The following ZNF705A variants were observed in gnomAD, a reference collection of about 807,000 sequenced individuals.
ZNF705A encodes the protein zinc finger protein 705A.
A neutral mutation model predicts 16.6 loss-of-function variants in ZNF705A; 8 were observed. The observed-to-expected ratio is 0.48, with a 90% CI of 0.28 to 0.87. ZNF705A has a LOEUF of 0.87. ZNF705A is among the 40% of genes least tolerant of loss of function. The probability of loss-of-function intolerance (pLI) is 0.10; values close to 1 mark genes in which losing one functional copy is unlikely to be tolerated. For synonymous variants in ZNF705A, 73 were observed against 117.3 expected, an observed-to-expected ratio of 0.62 and a Z score of 2.44; for missense variants, 233 against 359.9, an observed-to-expected ratio of 0.65 and a Z score of 2.85.
At chr12:8,163,207 G>A (rs1176115434) in intron 1 of ZNF705A, among the ~76,000 whole-genome samples, 2 of 152,134 alleles carry the variant, frequency 1.3e-5, no homozygotes, top group Admixed American at 6.5e-5. Flanking sequence ...TATAAAGATC[G>A]AGATCTGTTG....
At position 8,164,067 on chromosome 12, in the gene ZNF705A, ATTATTT is replaced by A. The variant is rs747400141; in HGVS notation, c.-72+6983_-72+6988del. 1.2e-3 allele frequency among the ~76,000 whole-genome samples: 179 copies of A among 152,202 alleles called. 1 individual carries two copies. The highest frequency in any genetic ancestry group is 4.1e-3 in the African/African-American group (169 of 41,534). On this transcript the variant is annotated intron_variant, in intron 1 of 5. Coordinates refer to the ZNF705A transcript ENST00000396570. ...ACCTCCCTGAGTCCCCCCCTTTATT[ATTATTT>A]TTATTTTGGAAAGAAATATTGGTAA...
intron 4 of ZNF705A, among the ~76,000 whole-genome samples, chr12:8,176,465 TAGTC>T (rs1419065306): frequency 6.6e-6 from 1 of 152,128 alleles, no homozygotes; most frequent in Non-Finnish European, 1.5e-5. Context: ...GTAGAAAAAA[TAGTC>T]ATTCATGCAT....
In ZNF705A at chr12:8,172,772, G is replaced by A; in HGVS notation, c.12+135G>A. On this transcript the variant is annotated intron_variant, in intron 1 of 4. Coordinates refer to ENST00000359286, the Ensembl canonical transcript of ZNF705A. ...GTTTTTATGATGTAAAATCCACCTA[G>A]CCTGGGTATTCCAAATGCAATCAGG... 3 of 1,424,970 alleles carry A rather than the reference G, an allele frequency of 2.1e-6. No individual in the cohort carries two copies. In the South Asian group the frequency reaches 3.9e-5, roughly 19 times the overall value. 88.3% of individuals were successfully genotyped at this position (1,424,970 alleles called of 1,614,324 possible).
At position 8,159,706 on chromosome 12, in the gene ZNF705A, C is replaced by T. The variant is rs763026386; in HGVS notation, c.-72+2614C>T. Among the ~76,000 whole-genome samples, 22 of 152,032 alleles carry T rather than the reference C, an allele frequency of 1.4e-4. No individual in the cohort carries two copies. The East Asian group carries it at 2.5e-3, about 17-fold the overall frequency. ...CTTTTCTTACTGATTTGTTTGAGTT[C>T]GTTGTAGATTCTGGATATTAGTCCT... On this transcript the variant is annotated intron_variant, in intron 1 of 5. Coordinates refer to the ZNF705A transcript ENST00000396570.
chr12:8,167,862 A>G (rs771547854), upstream of ZNF705A, among the ~76,000 whole-genome samples: 10 of 152,358 alleles, frequency 6.6e-5, no homozygotes, highest in Admixed American at 6.5e-4. Flanking sequence ...AGGCTTTAGA[A>G]CAGGAAGGAG....
At chr12:8,171,408 C>T (rs755123078), upstream of ZNF705A, among the ~76,000 whole-genome samples, 1 of 152,160 alleles carries the variant, frequency 6.6e-6, no homozygotes, top group Non-Finnish European at 1.5e-5. Context: ...CGAATATATA[C>T]ATGGACATCG....
chr12:8,166,767 C>G (rs892428073), intron 1 of ZNF705A, among the ~76,000 whole-genome samples: 11 of 152,230 alleles, frequency 7.2e-5, no homozygotes, highest in Non-Finnish European at 1.5e-4. Flanking sequence ...TTAGCCATGG[C>G]TGGAGCTGGA....
At chr12:8,159,845 A>C (rs1158223829) in intron 1 of ZNF705A, among the ~76,000 whole-genome samples, 2 of 151,962 alleles carry the variant, frequency 1.3e-5, no homozygotes, top group African/African-American at 4.8e-5. Context: ...CCAGCTCTTT[A>C]TCTTTGTTTT....
chr12:8,172,122 G>A (rs745635309), upstream of ZNF705A, among the ~76,000 whole-genome samples: 1 of 151,874 alleles, frequency 6.6e-6, no homozygotes, highest in South Asian at 2.1e-4. Flanking sequence ...GTGGAGTAAA[G>A]CTTCAGAAGG....
chr12:8,176,607 G>C (rs1948485570), intron 4 of ZNF705A, among the ~76,000 whole-genome samples: 1 of 152,186 alleles, frequency 6.6e-6, no homozygotes, highest in Non-Finnish European at 1.5e-5. Flanking sequence ...GAAACAATCA[G>C]ATATGCATTT....
At chr12:8,177,283 A>C (rs1419668416) in exon 5 of ZNF705A, 2 of 1,611,836 alleles carry the variant, frequency 1.2e-6, no homozygotes, top group East Asian at 4.5e-5. Flanking sequence ...GGCCATATGC[A>C]TGTCATCTAT....
chr12:8,176,016 C>G, intron 4 of ZNF705A, 74 bp downstream of exon 5: 1 of 1,592,762 alleles, frequency 6.3e-7, no homozygotes, highest in South Asian at 1.1e-5. Context: ...TAATGAAGCA[C>G]AATCACCTGA....
At position 8,158,493 on chromosome 12, in the gene ZNF705A, G is replaced by A. The variant is rs753923281; in HGVS notation, c.-72+1401G>A. On this transcript the variant is annotated intron_variant, in intron 1 of 5. Transcript: ENST00000396570. ...GTTAATTTCCTTCTACTAGTGAGTAGTATTTCATTGTATAAATGCAACATA... is the reference window on the plus strand; with the variant it reads ...GTTAATTTCCTTCTACTAGTGAGTAATATTTCATTGTATAAATGCAACATA... Among the ~76,000 whole-genome samples, 10 of 152,102 alleles carry A rather than the reference G, an allele frequency of 6.6e-5. No homozygotes were observed. The East Asian group carries it at 1.2e-3, about 18-fold the overall frequency.
At chr12:8,177,537 G>T (rs1175662750) in exon 5 of ZNF705A, 1 of 1,612,406 alleles carries the variant, frequency 6.2e-7, no homozygotes, top group South Asian at 1.1e-5. Context: ...CCACATGCTT[G>T]TCTTCTATGT....
rs1948475889 is a variant in ZNF705A, at chr12:8,175,214, C to A, written c.140-14C>A. 1.9e-6 allele frequency: 3 copies of A among 1,596,222 alleles called. No homozygotes were observed. Among genetic ancestry groups the A allele is most frequent in the Non-Finnish European group, 2.5e-6 (3 of 1,178,944 alleles). On this transcript the variant is annotated splice_polypyrimidine_tract_variant and intron_variant, in intron 2 of 4. Coordinates refer to ENST00000359286, the Ensembl canonical transcript of ZNF705A. Reference sequence around the variant, plus strand: ...ACAGTGAACTCAAAACACATGTATTCTTTCCACTAACAGGGTACCAGATAA... The same window carrying A: ...ACAGTGAACTCAAAACACATGTATTATTTCCACTAACAGGGTACCAGATAA...
intron 1 of ZNF705A, among the ~76,000 whole-genome samples, chr12:8,160,288 T>C (rs1948342941): frequency 6.6e-6 from 1 of 152,088 alleles, no homozygotes; most frequent in Non-Finnish European, 1.5e-5. Flanking sequence ...TTTTGCTTAG[T>C]CTTGCTTTAA....
intron 1 of ZNF705A, among the ~76,000 whole-genome samples, chr12:8,165,768 C>T (rs1224711560): frequency 6.6e-6 from 1 of 152,020 alleles, no homozygotes; most frequent in Non-Finnish European, 1.5e-5. Flanking sequence ...TAATTAAGAA[C>T]ATATGGTATT....
upstream of ZNF705A, among the ~76,000 whole-genome samples, chr12:8,168,484 C>T (rs1458238165): frequency 1.3e-5 from 2 of 152,092 alleles, no homozygotes; most frequent in East Asian, 1.9e-4. Context: ...ATTTGTGTGC[C>T]TTTTCCATTT....
chr12:8,174,313 T>C lies in ZNF705A; in HGVS notation c.13-13T>C, dbSNP rs1010061140. 1 of 1,594,224 alleles carries C rather than the reference T, an allele frequency of 6.3e-7. No homozygotes were observed. Among genetic ancestry groups the C allele is most frequent in the Non-Finnish European group, 8.5e-7 (1 of 1,178,120 alleles). ...ATTTCTCTGTCTAAACTAAAATGTC[T>C]GTGATGTTTTAGAAGAAAGTGACTT... On this transcript the variant is annotated splice_polypyrimidine_tract_variant and intron_variant, in intron 1 of 4. Transcript: ENST00000359286.
Sources: gnomAD v4.1 joint callset for allele counts (sites outside exome capture counted in the v4.1 genomes callset) on GRCh38, gnomAD v4.1.1 for gene constraint, MANE v1.5 for transcripts, NCBI Gene and HGNC (gene_info 2026-07-23, HGNC 2026-07-21) for gene names.